APOBEC3F: variants seen among roughly 807,000 people sequenced by gnomAD.
The protein encoded by APOBEC3F is DNA dC->dU-editing enzyme APOBEC-3F.
A neutral mutation model predicts 45.8 loss-of-function variants in APOBEC3F; 34 were observed. The ratio of observed to expected loss-of-function variants is 0.74; its 90% CI spans 0.57 to 0.99. APOBEC3F has a LOEUF of 0.99. Ranked by LOEUF, APOBEC3F falls within the 50% of genes least tolerant of loss-of-function variation. APOBEC3F has a pLI of 0.00. For synonymous variants in APOBEC3F, 192 were observed against 174.4 expected (o/e 1.10, Z -0.80); for missense variants, 459 against 474.1 (o/e 0.97, Z 0.30).
Position 39,052,105 on chromosome 22 carries a change from G to T in APOBEC3F, c.755G>T (p.Arg252Met). The change falls in exon 6 of 7, where the codon AGG (arginine) becomes ATG (methionine). Residue 252 changes from arginine to methionine, a missense_variant. Transcript: ENST00000308521. ...CCTGAGACCCATTGTCATGCAGAAA[G>T]GTGCTTCCTCTCTTGGTTCTGTGAC... ...VDPETHCHAE[R>M]CFLSWFCDDI... is the part of the protein sequence containing the mutation. 6 of 1,612,842 alleles carry T rather than the reference G, an allele frequency of 3.7e-6. No individual in the cohort carries two copies. The highest frequency in any genetic ancestry group is 5.1e-6 in the Non-Finnish European group (6 of 1,178,922).
At chr22:39,044,463 A>G in intron 2 of APOBEC3F, 1 of 1,168,024 alleles carries the variant, frequency 8.6e-7, no homozygotes. Context: ...TGCACCAGCA[A>G]CTTTCCAGGG....
In APOBEC3F at chr22:39,054,976, C is replaced by T. The variant is rs905358039; in HGVS notation, c.*2281C>T. ...TCGGCGGGGTTGTTTGCTCTGAGGC[C>T]GCTCCTCCTGGATGGCAGGGATCCC... is the stretch of plus-strand genomic sequence containing the variant. On this transcript the variant is annotated 3_prime_UTR_variant, in exon 7 of 7. Transcript: ENST00000308521. Among the ~76,000 whole-genome samples, 1 of 152,030 alleles carries T rather than the reference C, an allele frequency of 6.6e-6. No homozygotes were observed. The highest frequency in any genetic ancestry group is 1.5e-5 in the Non-Finnish European group (1 of 68,016).
At position 39,053,724 on chromosome 22, in the gene APOBEC3F, C is replaced by G. The variant is rs1927603641; in HGVS notation, c.*1029C>G. 1.3e-5 allele frequency: 2 copies of G among 152,318 alleles called. No individual in the cohort carries two copies. Among genetic ancestry groups the G allele is most frequent in the African/African-American group, 2.4e-5 (1 of 41,570 alleles). 9.4% of individuals were successfully genotyped at this position (152,318 alleles called of 1,614,324 possible). A position where few individuals can be genotyped will look rare whatever the true frequency, so the allele number is the denominator to read the frequency against. On this transcript the variant is annotated 3_prime_UTR_variant, in exon 7 of 7. Coordinates refer to ENST00000308521, the MANE Select transcript of APOBEC3F (RefSeq NM_145298.6). ...ACATCCTTTGTTAACTTTCATCCTA[C>G]AAATTGGGTCATTCATGTCCTACGC...
intron 5 of APOBEC3F, 118 bp downstream of exon 5, chr22:39,049,699 CTTTTTTTTTT>C (rs35594508): frequency 3.6e-5 from 30 of 827,216 alleles, no homozygotes; most frequent in Admixed American, 7.3e-5. Context: ...TCTTACATTT[CTTTTTTTTTT>C]TTTTTTTTGA....
At chr22:39,049,954 C>T (rs2076104) in intron 5 of APOBEC3F, among the ~76,000 whole-genome samples, 75,648 of 143,660 alleles carry the variant, frequency 0.53, 20,547 homozygotes, top group East Asian at 0.68. Context: ...CCGCCCCCCT[C>T]GGCCTCCCAA....
intron 4 of APOBEC3F, among the ~76,000 whole-genome samples, chr22:39,048,234 C>T (rs1326157616): frequency 6.6e-6 from 1 of 152,354 alleles, no homozygotes; most frequent in Non-Finnish European, 1.5e-5. Context: ...CGGAAAGGGG[C>T]CCCAGCTCCA....
At chr22:39,051,235 A>G (rs938590296) in intron 5 of APOBEC3F, among the ~76,000 whole-genome samples, 5 of 148,846 alleles carry the variant, frequency 3.4e-5, no homozygotes, top group South Asian at 2.1e-4. Flanking sequence ...AGACTCTGTC[A>G]CTCAAAAAGA....
At chr22:39,051,705 G>C (rs552234097) in intron 5 of APOBEC3F, among the ~76,000 whole-genome samples, 36 of 152,068 alleles carry the variant, frequency 2.4e-4, no homozygotes, top group African/African-American at 8.4e-4. Context: ...TAGTCGCAGA[G>C]TTTTGGGAGG....
chr22:39,044,021 G>A (rs1270436931), intron 2 of APOBEC3F: 9 of 1,483,540 alleles, frequency 6.1e-6, no homozygotes, highest in East Asian at 2.5e-5. Context: ...GTGAAACTAC[G>A]TCTCAAAACA....
rs1028331776 is a variant in APOBEC3F, at chr22:39,055,338, C to T, written c.*2643C>T. On this transcript the variant is annotated 3_prime_UTR_variant, in exon 7 of 7. Transcript: ENST00000308521. ...CCACTCTCCTCAGCCTCCCAAAGTGCTGGGATTACAGATATAAGCCACCAT... is the reference window on the plus strand; with the variant it reads ...CCACTCTCCTCAGCCTCCCAAAGTGTTGGGATTACAGATATAAGCCACCAT... Among the ~76,000 whole-genome samples the T allele has an allele frequency of 2.0e-5, 3 of 151,648 alleles. No individual in the cohort carries two copies. Among genetic ancestry groups the T allele is most frequent in the Admixed American group, 1.3e-4 (2 of 15,222 alleles).
At chr22:39,044,474 C>A in intron 2 of APOBEC3F, 2 of 1,061,450 alleles carry the variant, frequency 1.9e-6, no homozygotes, top group South Asian at 2.1e-5. Flanking sequence ...CTTTCCAGGG[C>A]CTGCGAGCTG....
intron 1 of APOBEC3F, among the ~76,000 whole-genome samples, chr22:39,042,498 G>T (rs1015574447): frequency 6.6e-6 from 1 of 152,152 alleles, no homozygotes; most frequent in South Asian, 2.1e-4. Flanking sequence ...TTTTAGTAGA[G>T]ACTGGGTTTC....
chr22:39,047,621 C>A (rs1246599130), intron 4 of APOBEC3F, among the ~76,000 whole-genome samples: 1 of 152,010 alleles, frequency 6.6e-6, no homozygotes, highest in African/African-American at 2.4e-5. Context: ...TAGTCTCTCT[C>A]CCCTCTGGTT....
chr22:39,052,331 C>T lies in APOBEC3F; in HGVS notation c.981C>T (p.Ser327=), dbSNP rs35895636. The T allele has an allele frequency of 1.1e-3, 1,713 of 1,614,166 alleles. 15 individuals are homozygous for T. The African/African-American group carries it at 0.021, about 20-fold the overall frequency. ...GCAGCCTGAGTCAGGAAGGGGCCTC[C>T]GTGGAGATCATGGGCTACAAAGGTG... ...GLRSLSQEGA[S]VEIMGYKDFK... Residue 327 remains serine (S), a synonymous_variant, in exon 6 of 7, where the codon TCC becomes TCT. Coordinates refer to ENST00000308521, the MANE Select transcript of APOBEC3F (RefSeq NM_145298.6).
At chr22:39,042,342 G>A (rs868424147) in intron 1 of APOBEC3F, among the ~76,000 whole-genome samples, 2 of 132,692 alleles carry the variant, frequency 1.5e-5, no homozygotes, top group African/African-American at 3.0e-5. Flanking sequence ...ATGGAGTTTC[G>A]CTCTTGTAGC....
chr22:39,041,015 G>A, intron 1 of APOBEC3F, 38 bp downstream of exon 1: 3 of 1,572,824 alleles, frequency 1.9e-6, no homozygotes, highest in South Asian at 1.2e-5. Context: ...CCCCTCTGCT[G>A]CCCCTTCCTG....
chr22:39,048,665 G>C (rs559349574), intron 4 of APOBEC3F, among the ~76,000 whole-genome samples: 1 of 152,246 alleles, frequency 6.6e-6, no homozygotes, highest in South Asian at 2.1e-4. Flanking sequence ...AAATTAGCCG[G>C]GTGTTGTGGC....
At position 39,054,776 on chromosome 22, in the gene APOBEC3F, A is replaced by G. The variant is rs1393678361; in HGVS notation, c.*2081A>G. 1.3e-5 allele frequency among the ~76,000 whole-genome samples: 2 copies of G among 152,282 alleles called. No individual in the cohort carries two copies. Among genetic ancestry groups the G allele is most frequent in the Admixed American group, 6.5e-5 (1 of 15,288 alleles). On this transcript the variant is annotated 3_prime_UTR_variant, in exon 7 of 7. Transcript: ENST00000308521. Reference sequence around the variant, plus strand: ...CTCCACACTTTAAATTTGACTTGACATTTTCTAGGCAGATATAAGTTATTA... The same window carrying G: ...CTCCACACTTTAAATTTGACTTGACGTTTTCTAGGCAGATATAAGTTATTA...
chr22:39,052,720 T>A lies in APOBEC3F; in HGVS notation c.*25T>A, dbSNP rs35580576. On this transcript the variant is annotated 3_prime_UTR_variant, in exon 7 of 7. Transcript: ENST00000308521. ...AGGGGTCTCCCCGGGCCTCATGGTCTGTCTCCTCTAGCCTCCTGCTCATGT... is the reference window on the plus strand; with the variant it reads ...AGGGGTCTCCCCGGGCCTCATGGTCAGTCTCCTCTAGCCTCCTGCTCATGT... 2.2e-5 allele frequency: 36 copies of A among 1,602,060 alleles called. No individual in the cohort carries two copies. The highest frequency in any genetic ancestry group is 3.0e-5 in the Non-Finnish European group (35 of 1,173,744).
Sources: gnomAD v4.1 joint callset for allele counts (sites outside exome capture counted in the v4.1 genomes callset) on GRCh38, gnomAD v4.1.1 for gene constraint, MANE v1.5 for transcripts, NCBI Gene and HGNC (gene_info 2026-07-23, HGNC 2026-07-21) for gene names.